TMEM156: variants seen among roughly 807,000 people sequenced by gnomAD.
TMEM156 encodes transmembrane protein 156.
TMEM156 carries 28 observed loss-of-function variants against 30.5 expected under a neutral mutation model. That is an observed-to-expected ratio of 0.92 (90% CI 0.68 to 1.26). The LOEUF (loss-of-function observed/expected upper bound fraction) is 1.26, where lower values mean the gene tolerates loss of function less well. Ranked by LOEUF, TMEM156 falls within the 50% of genes most tolerant of loss-of-function variation. The pLI is 0.00. For missense variants in TMEM156, 351 were observed against 340.6 expected, an observed-to-expected ratio of 1.03 and a Z score of -0.24; for synonymous variants, 137 against 119.9, an observed-to-expected ratio of 1.14 and a Z score of -0.93.
At chr4:39,006,686 G>A (rs1003306770) in intron 1 of TMEM156, among the ~76,000 whole-genome samples, 19 of 152,116 alleles carry the variant, frequency 1.2e-4, no homozygotes, top group African/African-American at 4.3e-4. Context: ...GGAGGCCAAG[G>A]TGGGTGGGTC....
intron 1 of TMEM156, among the ~76,000 whole-genome samples, chr4:39,017,289 C>T (rs1311508129): frequency 6.8e-6 from 1 of 147,594 alleles, no homozygotes; most frequent in Non-Finnish European, 1.5e-5. Context: ...ATTCTCCTGC[C>T]TCAGCCTCCC....
rs559727567 is a variant in TMEM156 at position 39,032,296 on chromosome 4, G to A, written c.18C>T (p.Leu6=). The A allele has an allele frequency of 3.1e-5, 50 of 1,608,892 alleles. No individual in the cohort carries two copies. Among genetic ancestry groups the A allele is most frequent in the Middle Eastern group, 1.6e-4 (1 of 6,074 alleles). MTKTA[L]LKLFVAIVIT... ...TCACTATTGCCACAAATAATTTAAGGAGGGCTGTTTTTGTCATGTCTCTTC... is the reference window on the plus strand; with the variant it reads ...TCACTATTGCCACAAATAATTTAAGAAGGGCTGTTTTTGTCATGTCTCTTC... Residue 6 remains leucine (L), a synonymous_variant, in exon 1 of 7, where the codon CTC becomes CTT. Transcript: ENST00000381938.
At chr4:38,983,121 C>G (rs976625178) in intron 5 of TMEM156, among the ~76,000 whole-genome samples, 4 of 152,142 alleles carry the variant, frequency 2.6e-5, no homozygotes, top group Non-Finnish European at 5.9e-5. Flanking sequence ...AGCATTCTCA[C>G]CAGACCATTC....
chr4:39,027,607 G>A (rs116260148), intron 1 of TMEM156, among the ~76,000 whole-genome samples: 2,222 of 129,296 alleles, frequency 0.017, 25 homozygotes, highest in Middle Eastern at 0.056. Flanking sequence ...TCAGGCTGAA[G>A]TGCAATGGGG....
At chr4:38,981,549 C>T (rs1052414836) in intron 5 of TMEM156, among the ~76,000 whole-genome samples, 2 of 152,142 alleles carry the variant, frequency 1.3e-5, no homozygotes, top group Non-Finnish European at 2.9e-5. Flanking sequence ...GCTTAAACCC[C>T]CAGTCCCCCA....
chr4:39,026,341 C>T (rs556842425), intron 1 of TMEM156, among the ~76,000 whole-genome samples: 25 of 146,922 alleles, frequency 1.7e-4, no homozygotes, highest in Non-Finnish European at 6.0e-5. Context: ...AAGCAAGACC[C>T]TGTCTCTCTT....
chr4:39,024,973 A>T (rs925660814), intron 1 of TMEM156, among the ~76,000 whole-genome samples: 3 of 152,158 alleles, frequency 2.0e-5, no homozygotes, highest in African/African-American at 7.2e-5. Flanking sequence ...GATAGGAGAA[A>T]CCTTATGGTT....
Position 38,993,943 on chromosome 4 carries a change from A to G in TMEM156, c.414T>C (p.Cys138=). Residue 138 remains cysteine (C), a synonymous_variant, in exon 3 of 7, where the codon TGT becomes TGC. Coordinates refer to ENST00000381938, the MANE Select transcript of TMEM156 (RefSeq NM_024943.3). ...EVKANDFHSP[C]QHFNFSVAPL... ...GAGCTACACTGAAGTTAAAGTGCTGACAAGGTGAATGAAAATCATTTGCTT... is the reference window on the plus strand; with the variant it reads ...GAGCTACACTGAAGTTAAAGTGCTGGCAAGGTGAATGAAAATCATTTGCTT... 6.2e-7 allele frequency: 1 copy of G among 1,614,104 alleles called. No homozygotes were observed. The highest frequency in any genetic ancestry group is 1.1e-5 in the South Asian group (1 of 91,080).
intron 1 of TMEM156, among the ~76,000 whole-genome samples, chr4:39,019,200 T>C (rs1714705338): frequency 6.6e-6 from 1 of 152,158 alleles, no homozygotes; most frequent in Non-Finnish European, 1.5e-5. Flanking sequence ...CCTATTCTAT[T>C]TCTTCTATCC....
At chr4:39,019,715 C>G (rs1714738692) in intron 1 of TMEM156, among the ~76,000 whole-genome samples, 1 of 152,084 alleles carries the variant, frequency 6.6e-6, no homozygotes, top group South Asian at 2.1e-4. Context: ...TTATGGTATA[C>G]AATGTGATGT....
chr4:39,001,396 GAAA>G (rs762121200), intron 1 of TMEM156, among the ~76,000 whole-genome samples: 1 of 117,344 alleles, frequency 8.5e-6, no homozygotes, highest in African/African-American at 3.1e-5. Flanking sequence ...AAAAAAAAAA[GAAA>G]AAAAAAAAAG....
At chr4:39,030,751 A>C (rs540718805) in intron 1 of TMEM156, among the ~76,000 whole-genome samples, 21 of 151,152 alleles carry the variant, frequency 1.4e-4, no homozygotes, top group Admixed American at 2.6e-4. Context: ...AGCTAGCTAG[A>C]TAGATATATA....
At chr4:38,971,696 T>C (rs761138680) in intron 5 of TMEM156, among the ~76,000 whole-genome samples, 4 of 152,212 alleles carry the variant, frequency 2.6e-5, no homozygotes, top group African/African-American at 4.8e-5. Context: ...CACGGTCTTG[T>C]TTTTCTAGCT....
At chr4:38,978,503 C>T (rs184058824) in intron 5 of TMEM156, among the ~76,000 whole-genome samples, 7 of 152,234 alleles carry the variant, frequency 4.6e-5, no homozygotes, top group East Asian at 1.9e-4. Flanking sequence ...TATCATTTAA[C>T]GCCTCTGTGC....
chr4:38,974,465 A>G (rs1458301116), intron 5 of TMEM156, among the ~76,000 whole-genome samples: 1 of 152,116 alleles, frequency 6.6e-6, no homozygotes, highest in Non-Finnish European at 1.5e-5. Context: ...GTCTTGCAAC[A>G]GTTTAAATAC....
chr4:39,020,471 A>G (rs1714787432), intron 1 of TMEM156, among the ~76,000 whole-genome samples: 1 of 152,162 alleles, frequency 6.6e-6, no homozygotes, highest in African/African-American at 2.4e-5. Flanking sequence ...CCTGGCTTCC[A>G]GCGATCCTCC....
At position 38,988,979 on chromosome 4, in the gene TMEM156, A is replaced by T; in HGVS notation, c.620-9T>A. On this transcript the variant is annotated splice_polypyrimidine_tract_variant and intron_variant, in intron 3 of 6. Transcript: ENST00000381938. ...CATGGAACAAGTGATATCTGTAAAG[A>T]AAACAAATACTGTAAAAACCCAGTA... 3.7e-6 allele frequency: 6 copies of T among 1,607,682 alleles called. No individual in the cohort carries two copies. In the South Asian group the frequency reaches 4.4e-5, roughly 12 times the overall value.
At position 38,966,823 on chromosome 4, in the gene TMEM156, A is replaced by ATTT. The variant is rs1722368968; in HGVS notation, c.*856_*857insAAA. ...TGATTTTTTTTTTTTTTTTTTTTTG[A>ATTT]GACAGAGTCTTGCTCTGCACCAGGC... On this transcript the variant is annotated 3_prime_UTR_variant, in exon 7 of 7. Coordinates refer to ENST00000381938, the MANE Select transcript of TMEM156 (RefSeq NM_024943.3). 7.9e-5 allele frequency: 8 copies of ATTT among 101,754 alleles called. No homozygotes were observed. The highest frequency in any genetic ancestry group is 2.0e-4 in the Admixed American group (2 of 10,112). 6.3% of individuals were successfully genotyped at this position (101,754 alleles called of 1,614,324 possible). A position where few individuals can be genotyped will look rare whatever the true frequency, so the allele number is the denominator to read the frequency against.
In TMEM156 at chr4:38,998,708, C is replaced by A. The variant is rs1713108101; in HGVS notation, c.290G>T (p.Cys97Phe). Residue 97 changes from cysteine to phenylalanine, a missense_variant, in exon 2 of 7, where the codon TGC becomes TTC. Coordinates refer to ENST00000381938, the MANE Select transcript of TMEM156 (RefSeq NM_024943.3). ...AGACTCACAAACCAAACACGAGGAG[C>A]ACATTTTAAATTCACCTGTGATGTC... Reference protein sequence around the residue: ...CQDITGEFKMCSSCLVCESKG... With the variant: ...CQDITGEFKMFSSCLVCESKG... 1 of 1,613,684 alleles carries A rather than the reference C, an allele frequency of 6.2e-7. No homozygotes were observed. Among genetic ancestry groups the A allele is most frequent in the South Asian group, 1.1e-5 (1 of 91,044 alleles).
Sources: gnomAD v4.1 joint callset for allele counts (sites outside exome capture counted in the v4.1 genomes callset) on GRCh38, gnomAD v4.1.1 for gene constraint, MANE v1.5 for transcripts, NCBI Gene and HGNC (gene_info 2026-07-23, HGNC 2026-07-21) for gene names.